The following ABCC4 variants were observed in gnomAD, a reference collection of about 807,000 sequenced individuals.
ABCC4 encodes the protein ATP-binding cassette sub-family C member 4.
Under a neutral mutation model 168.5 loss-of-function variants are expected in ABCC4, and 102 were observed. The observed-to-expected ratio is 0.61, with a 90% CI of 0.52 to 0.71. The LOEUF is 0.71. Ranked by LOEUF, ABCC4 falls within the 30% of genes least tolerant of loss-of-function variation. ABCC4 has a pLI of 0.00. For synonymous variants in ABCC4, 617 were observed against 590.7 expected (o/e 1.04, Z -0.65); for missense variants, 1,402 against 1,605.8 (o/e 0.87, Z 2.17).
chr13:95,111,873 C>A (rs2035215978), intron 20 of ABCC4, among the ~76,000 whole-genome samples: 1 of 152,150 alleles, frequency 6.6e-6, no homozygotes, highest in Admixed American at 6.5e-5. Context: ...AGCCTACATT[C>A]TAGACACCAA....
chr13:95,232,569 C>T (rs1223784000), intron 4 of ABCC4, among the ~76,000 whole-genome samples: 1 of 150,878 alleles, frequency 6.6e-6, no homozygotes, highest in East Asian at 2.0e-4. Flanking sequence ...CCCAGCTACT[C>T]GGCAGGCTGA....
intron 3 of ABCC4, among the ~76,000 whole-genome samples, chr13:95,240,689 G>T (rs1282529054): frequency 2.6e-5 from 4 of 151,900 alleles, no homozygotes; most frequent in Non-Finnish European, 5.9e-5. Flanking sequence ...TTATATTTTT[G>T]AAATGATCTT....
At chr13:95,244,936 A>C (rs4148448) in intron 3 of ABCC4, among the ~76,000 whole-genome samples, 1 of 151,798 alleles carries the variant, frequency 6.6e-6, no homozygotes, top group Non-Finnish European at 1.5e-5. Flanking sequence ...AACTGTACCC[A>C]TATTAAAGCT....
intron 7 of ABCC4, 108 bp from the exon 8 acceptor site, chr13:95,206,889 C>T: frequency 7.4e-7 from 1 of 1,351,618 alleles, no homozygotes; most frequent in African/African-American, 1.5e-5. Flanking sequence ...ATTGTTTGAA[C>T]CCAGGAGTTT....
chr13:95,210,848 G>A, intron 4 of ABCC4, 67 bp from the exon 5 acceptor site: 1 of 1,210,544 alleles, frequency 8.3e-7, no homozygotes. Flanking sequence ...TTAGGACACA[G>A]CAGACCTGAG....
intron 27 of ABCC4, among the ~76,000 whole-genome samples, chr13:95,049,640 C>CAAAT (rs199553697): frequency 0.096 from 14,362 of 150,142 alleles, 933 homozygotes; most frequent in Admixed American, 0.16. Context: ...GACTCTGTCT[C>CAAAT]AAATAAATAA....
At chr13:95,029,107 G>A (rs998636318) in intron 30 of ABCC4, among the ~76,000 whole-genome samples, 8 of 150,530 alleles carry the variant, frequency 5.3e-5, no homozygotes, top group Non-Finnish European at 1.2e-4. Context: ...GCAGTGAGCT[G>A]AGATTGCACC....
At chr13:95,053,037 G>C (rs1028403402) in intron 27 of ABCC4, 58 bp downstream of exon 27, 1 of 1,423,852 alleles carries the variant, frequency 7.0e-7, no homozygotes, top group African/African-American at 1.4e-5. Flanking sequence ...ATGCTGTAAA[G>C]GTACATATAC....
intron 25 of ABCC4, among the ~76,000 whole-genome samples, chr13:95,067,369 T>C (rs980998218): frequency 1.4e-4 from 21 of 152,302 alleles, no homozygotes; most frequent in African/African-American, 5.1e-4. Flanking sequence ...GGCCCAGGAC[T>C]ATCCAGAGTC....
chr13:95,177,658 G>A lies in ABCC4; in HGVS notation c.1727+49C>T, dbSNP rs149149576. On this transcript the variant is annotated intron_variant, in intron 13 of 30. Coordinates refer to ENST00000645237, the MANE Select transcript of ABCC4 (RefSeq NM_005845.5). ...CATAAAGGCTTTCCTGAGCCAACTC[G>A]AAATGGCTCTGGAAAAGCAGAAATG... 5.3e-5 allele frequency: 81 copies of A among 1,531,172 alleles called. No individual in the cohort carries two copies. In the African/African-American group the frequency reaches 7.2e-4, roughly 14 times the overall value. 94.8% of individuals were successfully genotyped at this position (1,531,172 alleles called of 1,614,324 possible).
chr13:95,173,402 C>T (rs2037545724), intron 13 of ABCC4, among the ~76,000 whole-genome samples: 1 of 152,234 alleles, frequency 6.6e-6, no homozygotes, highest in African/African-American at 2.4e-5. Context: ...AGAGAAAGCG[C>T]CATGCCCTCC....
intron 20 of ABCC4, among the ~76,000 whole-genome samples, chr13:95,093,303 G>A (rs1195259881): frequency 6.6e-6 from 1 of 152,118 alleles, no homozygotes; most frequent in Non-Finnish European, 1.5e-5. Flanking sequence ...CAAAATACTT[G>A]TTAACTGAAT....
At chr13:95,206,810 GCAGTGATGT>G (rs2038796076) in intron 7 of ABCC4, 29 bp from the exon 8 acceptor site, 1 of 1,610,270 alleles carries the variant, frequency 6.2e-7, no homozygotes, top group African/African-American at 1.3e-5. Context: ...TTTTAAAAAA[GCAGTGATGT>G]CAACCAGATA....
intron 19 of ABCC4, among the ~76,000 whole-genome samples, chr13:95,156,636 A>G (rs796647673): frequency 3.3e-5 from 5 of 152,268 alleles, no homozygotes; most frequent in African/African-American, 1.2e-4. Flanking sequence ...CAAATGCCCT[A>G]TTCAACTCAG....
chr13:95,107,272 A>G (rs956240038), intron 20 of ABCC4, among the ~76,000 whole-genome samples: 3 of 152,154 alleles, frequency 2.0e-5, no homozygotes, highest in African/African-American at 7.2e-5. Flanking sequence ...AACAAAACAA[A>G]ACAAAACTAG....
chr13:95,216,206 A>G (rs1468807674), intron 4 of ABCC4, among the ~76,000 whole-genome samples: 1 of 152,216 alleles, frequency 6.6e-6, no homozygotes, highest in African/African-American at 2.4e-5. Flanking sequence ...TATTTTTTCA[A>G]TGAAGCAAAG....
chr13:95,066,432 A>G (rs2033548836), intron 25 of ABCC4, among the ~76,000 whole-genome samples: 1 of 152,188 alleles, frequency 6.6e-6, no homozygotes, highest in South Asian at 2.1e-4. Flanking sequence ...GGCAGGGCCT[A>G]TATTGGAATT....
intron 27 of ABCC4, among the ~76,000 whole-genome samples, chr13:95,047,384 A>C (rs1375465979): frequency 1.3e-5 from 2 of 152,024 alleles, no homozygotes; most frequent in Non-Finnish European, 2.9e-5. Flanking sequence ...TAGCATTTAC[A>C]ATAGTGCTTG....
At chr13:95,154,245 T>C (rs2036784498) in intron 19 of ABCC4, among the ~76,000 whole-genome samples, 2 of 152,210 alleles carry the variant, frequency 1.3e-5, no homozygotes, top group Non-Finnish European at 2.9e-5. Flanking sequence ...ACTTCTTCCT[T>C]TGAACACAAA....
Sources: allele counts gnomAD v4.1 joint callset (sites outside exome capture counted in the v4.1 genomes callset), GRCh38; gene constraint gnomAD v4.1.1; transcripts MANE v1.5; gene names NCBI Gene and HGNC (gene_info 2026-07-23, HGNC 2026-07-21).